Variants in FSTL4 observed in about 807,000 individuals in gnomAD.
FSTL4 encodes follistatin like 4.
Under a neutral mutation model 78.2 loss-of-function variants are expected in FSTL4, and 28 were observed. That is an observed-to-expected ratio of 0.36 (90% confidence interval 0.27 to 0.49). The LOEUF is 0.49. Ranked by LOEUF, FSTL4 falls within the 20% of genes least tolerant of loss-of-function variation. The pLI is 0.98. For missense variants in FSTL4, 922 were observed against 1,084.9 expected, an observed-to-expected ratio of 0.85 and a Z score of 2.11; for synonymous variants, 422 against 440.5, an observed-to-expected ratio of 0.96 and a Z score of 0.53.
In FSTL4 at chr5:133,567,170, A is replaced by G; in HGVS notation, c.160+16T>C. ...CAACACTGAAAATAAAATGGGTATGAGTGCATTTTTCCTACCTTCTCTTCT... is the reference window on the plus strand; with the variant it reads ...CAACACTGAAAATAAAATGGGTATGGGTGCATTTTTCCTACCTTCTCTTCT... On this transcript the variant is annotated intron_variant, in intron 3 of 15. Transcript: ENST00000265342. The G allele has an allele frequency of 6.4e-7, 1 of 1,566,770 alleles. No individual in the cohort carries two copies. Among genetic ancestry groups the G allele is most frequent in the Non-Finnish European group, 8.8e-7 (1 of 1,136,828 alleles).
intron 6 of FSTL4, among the ~76,000 whole-genome samples, chr5:133,307,789 T>G (rs1753688730): frequency 6.6e-6 from 1 of 150,998 alleles, no homozygotes. Flanking sequence ...TTTTCTTTTT[T>G]TTTTTTTTTG....
At chr5:133,758,406 G>A in the FSTL4 span, among the ~76,000 whole-genome samples, 3,261 of 152,240 alleles carry the variant, frequency 0.021, 50 homozygotes, top group Middle Eastern at 0.051. Context: ...GGAAAGTGGG[G>A]AAGGGCAAGA....
At chr5:133,756,732 T>C in the FSTL4 span, among the ~76,000 whole-genome samples, 2 of 152,118 alleles carry the variant, frequency 1.3e-5, no homozygotes, top group African/African-American at 4.8e-5. Flanking sequence ...TGTCTGGACA[T>C]AGCAGGTGCT....
At chr5:133,647,895 G>T in the FSTL4 span, among the ~76,000 whole-genome samples, 1 of 152,158 alleles carries the variant, frequency 6.6e-6, no homozygotes, top group Admixed American at 6.5e-5. Context: ...TTGTGGGAGG[G>T]ACCCAGTGGG....
At chr5:133,606,166 G>A (rs144239655) in intron 1 of FSTL4, among the ~76,000 whole-genome samples, 47 of 152,304 alleles carry the variant, frequency 3.1e-4, no homozygotes, top group African/African-American at 1.1e-3. Context: ...TGTAGCCTGC[G>A]CTGGAGTTCA....
intron 15 of FSTL4, among the ~76,000 whole-genome samples, chr5:133,200,355 C>T (rs944779994): frequency 6.6e-6 from 1 of 152,260 alleles, no homozygotes; most frequent in African/African-American, 2.4e-5. Context: ...TAGGGGCAGT[C>T]TCTTCTCTGA....
At chr5:133,799,822 A>G in the FSTL4 span, among the ~76,000 whole-genome samples, 1 of 139,348 alleles carries the variant, frequency 7.2e-6, no homozygotes, top group African/African-American at 2.6e-5. Flanking sequence ...TGTGTTTGCT[A>G]CAGTAGCCCC....
At chr5:133,285,637 G>A (rs1027396994) in intron 6 of FSTL4, among the ~76,000 whole-genome samples, 1 of 152,164 alleles carries the variant, frequency 6.6e-6, no homozygotes, top group Non-Finnish European at 1.5e-5. Context: ...CTCATCTCAC[G>A]TGATCTTCCT....
intron 4 of FSTL4, among the ~76,000 whole-genome samples, chr5:133,363,574 T>C (rs1002948674): frequency 1.3e-5 from 2 of 152,174 alleles, no homozygotes; most frequent in Non-Finnish European, 2.9e-5. Flanking sequence ...CTATATTAAG[T>C]GCCTTTTCAT....
chr5:133,297,094 G>A (rs999835949), intron 6 of FSTL4, among the ~76,000 whole-genome samples: 1 of 152,192 alleles, frequency 6.6e-6, no homozygotes, highest in Non-Finnish European at 1.5e-5. Flanking sequence ...TTGAAAAAAA[G>A]CTCTCTACAG....
intron 3 of FSTL4, among the ~76,000 whole-genome samples, chr5:133,412,962 G>T (rs1756509165): frequency 6.6e-6 from 1 of 151,942 alleles, no homozygotes; most frequent in Admixed American, 6.6e-5. Flanking sequence ...GTTTATATTA[G>T]ATTGTTTATT....
At chr5:133,325,859 A>T (rs1450035631) in intron 4 of FSTL4, among the ~76,000 whole-genome samples, 2 of 152,192 alleles carry the variant, frequency 1.3e-5, no homozygotes, top group African/African-American at 4.8e-5. Context: ...TGTCCCCCAG[A>T]CATTAGCAAC....
chr5:133,283,612 G>T (rs1753060346), intron 6 of FSTL4, among the ~76,000 whole-genome samples: 1 of 152,184 alleles, frequency 6.6e-6, no homozygotes, highest in African/African-American at 2.4e-5. Flanking sequence ...GCTTGGGGTA[G>T]AATTGAGAGC....
At chr5:133,240,059 C>T (rs1010476379) in intron 7 of FSTL4, among the ~76,000 whole-genome samples, 2 of 152,210 alleles carry the variant, frequency 1.3e-5, no homozygotes, top group African/African-American at 4.8e-5. Context: ...AATGCTGCTG[C>T]TCACTCTTTA....
intron 3 of FSTL4, among the ~76,000 whole-genome samples, chr5:133,511,412 C>A (rs906213045): frequency 1.3e-5 from 2 of 152,138 alleles, no homozygotes; most frequent in Non-Finnish European, 2.9e-5. Context: ...ACGATCCTTA[C>A]CATACCCACA....
chr5:133,341,560 T>C (rs1278066259), intron 4 of FSTL4, among the ~76,000 whole-genome samples: 5 of 152,228 alleles, frequency 3.3e-5, no homozygotes, highest in African/African-American at 1.2e-4. Context: ...ACAGGAACCC[T>C]TCCCCCTCTC....
chr5:133,573,051 T>G (rs75016877), intron 2 of FSTL4, among the ~76,000 whole-genome samples: 1 of 152,096 alleles, frequency 6.6e-6, no homozygotes, highest in Non-Finnish European at 1.5e-5. Context: ...GAGACCATCC[T>G]GGCTAACACA....
chr5:133,444,073 T>C (rs960093078), intron 3 of FSTL4, among the ~76,000 whole-genome samples: 5 of 152,144 alleles, frequency 3.3e-5, no homozygotes, highest in African/African-American at 1.2e-4. Context: ...ACATGGAGGG[T>C]AGGAGCCACG....
chr5:133,249,905 C>G (rs371043068), intron 6 of FSTL4, among the ~76,000 whole-genome samples: 1 of 152,162 alleles, frequency 6.6e-6, no homozygotes, highest in South Asian at 2.1e-4. Flanking sequence ...ACAGAGAGAC[C>G]GGGGGGCAGG....
Sources: gnomAD v4.1 joint callset for allele counts (sites outside exome capture counted in the v4.1 genomes callset) on GRCh38, gnomAD v4.1.1 for gene constraint, MANE v1.5 for transcripts, NCBI Gene and HGNC (gene_info 2026-07-23, HGNC 2026-07-21) for gene names.